NAA25: variants seen among roughly 807,000 people sequenced by gnomAD.
NAA25 encodes N-alpha-acetyltransferase 25, NatB auxiliary subunit.
In NAA25, 30 loss-of-function variants were observed where a neutral mutation model predicts 132.5. The observed-to-expected ratio is 0.23, with a 90% CI of 0.17 to 0.31. NAA25 has a LOEUF of 0.31. Among genes scored for constraint, NAA25 ranks in the 10% least tolerant of loss-of-function variants. NAA25 has a pLI of 1.00. For synonymous variants in NAA25, 359 were observed against 401.9 expected (o/e 0.89, Z 1.28); for missense variants, 771 against 1,150.4 (o/e 0.67, Z 4.77).
intron 13 of NAA25, among the ~76,000 whole-genome samples, chr12:112,057,340 G>A (rs1166079453): frequency 3.9e-5 from 6 of 152,076 alleles, no homozygotes; most frequent in Admixed American, 2.6e-4. Flanking sequence ...ATTAATATAA[G>A]AGACTAGCAA....
rs12231744 is a variant in NAA25 at position 112,039,251 on chromosome 12, T to C, written c.2627A>G (p.Lys876Arg). 0.036 allele frequency: 56,983 copies of C among 1,601,058 alleles called. 11,196 individuals carry two copies. In the East Asian group the frequency reaches 0.64, roughly 18 times the overall value. Reference sequence around the variant, plus strand: ...TACCATGATGATGCTGGTTTCTTTTTTCTTCTTTTTCTTTTTCTGTAAATT... The same window carrying C: ...TACCATGATGATGCTGGTTTCTTTTCTCTTCTTTTTCTTTTTCTGTAAATT... Reference protein sequence around the residue: ...KLNLQKKKKKKKETSIIMPPV... With the variant: ...KLNLQKKKKKRKETSIIMPPV... The change falls in exon 22 of 24, where the codon AAA (lysine) becomes AGA (arginine). Residue 876 changes from lysine to arginine, a missense_variant. By Grantham distance (26) the Lys-to-Arg change is conservative (BLOSUM62 2). Transcript: ENST00000261745.
intron 15 of NAA25, among the ~76,000 whole-genome samples, chr12:112,048,918 G>C (rs1400684031): frequency 4.0e-5 from 6 of 149,402 alleles, no homozygotes; most frequent in African/African-American, 1.5e-4. Flanking sequence ...AAGACAGGCT[G>C]CTCCTTGGTT....
intron 22 of NAA25, 25 bp downstream of exon 22, chr12:112,039,204 A>G (rs777344975): frequency 1.4e-5 from 19 of 1,384,866 alleles, no homozygotes; most frequent in Admixed American, 5.9e-5. Context: ...TGTTCCTTGT[A>G]TATCACTTGT....
chr12:112,039,847 C>T (rs2136809983), intron 21 of NAA25: 1 of 154,722 alleles, frequency 6.5e-6, no homozygotes, highest in African/African-American at 2.4e-5. Context: ...TATATGTCTT[C>T]TCCTATACTA....
intron 3 of NAA25, among the ~76,000 whole-genome samples, chr12:112,089,125 G>A (rs1160376417): frequency 6.6e-6 from 1 of 152,176 alleles, no homozygotes; most frequent in Non-Finnish European, 1.5e-5. Flanking sequence ...TTGAAGCTGA[G>A]CACAGTGCCT....
chr12:112,036,900 C>T (rs140518040), intron 22 of NAA25, among the ~76,000 whole-genome samples: 72 of 150,996 alleles, frequency 4.8e-4, no homozygotes, highest in African/African-American at 1.3e-3. Context: ...TGTGCACGCG[C>T]GTGTGCATAA....
In NAA25 at chr12:112,037,393, G is replaced by A. The variant is rs1341928154; in HGVS notation, c.2649+1836C>T. Among the ~76,000 whole-genome samples, 4 of 139,626 alleles carry A rather than the reference G, an allele frequency of 2.9e-5. No individual in the cohort carries two copies. In the Admixed American group the frequency reaches 2.9e-4, roughly 10 times the overall value. 91.6% of individuals were successfully genotyped at this position (139,626 alleles called of 152,430 possible). A position where few individuals can be genotyped will look rare whatever the true frequency, so the allele number is the denominator to read the frequency against. ...CTTATTTTACAAAATAATAGCAGCT[G>A]ATAAATGATAAAAGACAGAATTTTT... On this transcript the variant is annotated intron_variant, in intron 22 of 23. Coordinates refer to ENST00000261745, the MANE Select transcript of NAA25 (RefSeq NM_024953.4).
chr12:112,052,935 C>T (rs1282539199), intron 15 of NAA25, among the ~76,000 whole-genome samples: 2 of 152,170 alleles, frequency 1.3e-5, no homozygotes, highest in Non-Finnish European at 2.9e-5. Context: ...GAGTACAGAC[C>T]GTATGGTTTT....
chr12:112,029,914 A>G (rs1362368076), intron 23 of NAA25, among the ~76,000 whole-genome samples: 3 of 152,208 alleles, frequency 2.0e-5, no homozygotes, highest in Non-Finnish European at 4.4e-5. Flanking sequence ...TGTAAGTTAT[A>G]TAAGGTAGAA....
intron 2 of NAA25, among the ~76,000 whole-genome samples, chr12:112,092,678 C>CT (rs893388490): frequency 6.7e-6 from 1 of 149,402 alleles, no homozygotes; most frequent in African/African-American, 2.5e-5. Context: ...CCTTTCTCCC[C>CT]CCCCTTTTTT....
Position 112,039,246 on chromosome 12 carries a change from C to T in NAA25, c.2632G>A (p.Glu878Lys), listed in dbSNP as rs1383553544. ...GTTATTACCATGATGATGCTGGTTT[C>T]TTTTTTCTTCTTTTTCTTTTTCTGT... The part of the protein sequence containing the change: ...NLQKKKKKKK[E>K]TSIIMPPVFT... Residue 878 changes from glutamate to lysine, a missense_variant, in exon 22 of 24, where the codon GAA becomes AAA. By Grantham distance (56) the Glu-to-Lys change is moderately conservative (BLOSUM62 1). This residue lies in a region of NAA25 where 324 missense variants were observed against 400.0 expected (regional missense o/e 0.81). Transcript: ENST00000261745. The T allele has an allele frequency of 6.3e-7, 1 of 1,595,466 alleles. No homozygotes were observed.
chr12:112,031,561 C>G (rs2078150733), intron 23 of NAA25, among the ~76,000 whole-genome samples: 1 of 152,114 alleles, frequency 6.6e-6, no homozygotes, highest in Non-Finnish European at 1.5e-5. Flanking sequence ...CTTGAAAAAT[C>G]CAGAGAGTAT....
At chr12:112,032,552 A>G (rs2078164120) in intron 23 of NAA25, among the ~76,000 whole-genome samples, 1 of 152,104 alleles carries the variant, frequency 6.6e-6, no homozygotes, top group Non-Finnish European at 1.5e-5. Context: ...TCTTAAGATC[A>G]GTTTCATCAC....
At chr12:112,048,221 T>C in intron 16 of NAA25, 71 bp downstream of exon 16, 1 of 1,448,076 alleles carries the variant, frequency 6.9e-7, no homozygotes, top group Non-Finnish European at 9.5e-7. Context: ...ATAACACCCA[T>C]GAGCCCATTA....
chr12:112,077,404 C>G (rs907760742), intron 7 of NAA25, among the ~76,000 whole-genome samples: 2 of 151,032 alleles, frequency 1.3e-5, no homozygotes, highest in African/African-American at 2.4e-5. Context: ...ACCCAGGAGG[C>G]AGAGGTTGCA....
intron 13 of NAA25, among the ~76,000 whole-genome samples, chr12:112,059,614 T>C (rs2078596197): frequency 6.6e-6 from 1 of 152,206 alleles, no homozygotes; most frequent in Admixed American, 6.5e-5. Flanking sequence ...TAAAATTTTT[T>C]GAAGTGAATA....
chr12:112,073,140 C>G (rs55798618), intron 9 of NAA25, among the ~76,000 whole-genome samples: 1 of 151,588 alleles, frequency 6.6e-6, no homozygotes, highest in Non-Finnish European at 1.5e-5. Context: ...GGGGCTGAGG[C>G]AAAAGGATCA....
At chr12:112,040,428 C>T (rs548395467) in intron 21 of NAA25, 53 bp downstream of exon 21, 7 of 1,098,968 alleles carry the variant, frequency 6.4e-6, no homozygotes, top group Non-Finnish European at 9.6e-6. Flanking sequence ...AAAAATGAAT[C>T]CTGTAGACCA....
At chr12:112,068,695 G>T (rs932869844) in intron 11 of NAA25, among the ~76,000 whole-genome samples, 185 bp downstream of exon 11, 1 of 152,200 alleles carries the variant, frequency 6.6e-6, no homozygotes. Context: ...TACTCCCGTT[G>T]TGACTTAACC....
Sources: allele counts gnomAD v4.1 joint callset (sites outside exome capture counted in the v4.1 genomes callset), GRCh38; gene constraint gnomAD v4.1.1; regional missense constraint gnomAD v4.1.1; transcripts MANE v1.5; gene names NCBI Gene and HGNC (gene_info 2026-07-23, HGNC 2026-07-21).